The following LRP1B variants were observed in gnomAD, a reference collection of about 807,000 sequenced individuals.
The protein encoded by LRP1B is LDL receptor related protein 1B, also known as low-density lipoprotein receptor-related protein 1B.
LRP1B carries 217 observed loss-of-function variants against 556.6 expected under a neutral mutation model. The ratio of observed to expected loss-of-function variants is 0.39; its 90% CI spans 0.35 to 0.44. The LOEUF (loss-of-function observed/expected upper bound fraction) is 0.44. LRP1B is among the 20% of genes least tolerant of loss of function. LRP1B has a pLI of 1.00. For missense variants in LRP1B, 5,053 were observed against 5,620.8 expected (o/e 0.90, Z 3.23); for synonymous variants, 2,047 against 1,865.8 (o/e 1.10, Z -2.50).
At chr2:140,983,262 G>GA (rs1283831105) in intron 17 of LRP1B, among the ~76,000 whole-genome samples, 1 of 151,824 alleles carries the variant, frequency 6.6e-6, no homozygotes, top group Non-Finnish European at 1.5e-5. Context: ...TTGGACTAGA[G>GA]AAAAAAATGA....
At chr2:141,213,548 A>G (rs1682657251) in intron 6 of LRP1B, among the ~76,000 whole-genome samples, 1 of 152,168 alleles carries the variant, frequency 6.6e-6, no homozygotes, top group East Asian at 1.9e-4. Flanking sequence ...AAGTCCCTGA[A>G]GAAAACCCAC....
At chr2:140,779,403 T>C (rs1689610081) in intron 32 of LRP1B, among the ~76,000 whole-genome samples, 1 of 151,970 alleles carries the variant, frequency 6.6e-6, no homozygotes, top group Non-Finnish European at 1.5e-5. Context: ...ATGAATTAAG[T>C]GTAAGAAGTG....
chr2:141,294,087 GAA>G lies in LRP1B; in HGVS notation c.344-39448_344-39447del, dbSNP rs556017278. 1.6e-3 allele frequency among the ~76,000 whole-genome samples: 243 copies of G among 152,020 alleles called. 1 individual carries two copies. The highest frequency in any genetic ancestry group is 2.7e-3 in the Non-Finnish European group (186 of 67,944). ...TATGTTATATTTAGAAGTATACAGG[GAA>G]AAAAGAGACTAAACAGGTAAAGACC... On this transcript the variant is annotated intron_variant, in intron 3 of 90. Coordinates refer to ENST00000389484, the MANE Select transcript of LRP1B (RefSeq NM_018557.3).
chr2:140,855,493 G>GAA (rs56835236), intron 27 of LRP1B, among the ~76,000 whole-genome samples: 16,356 of 99,882 alleles, frequency 0.16, 1,533 homozygotes, highest in Middle Eastern at 0.2. Flanking sequence ...TCTCTACTGG[G>GAA]AAAAAAAAAA....
chr2:141,861,538 C>CA (rs1261533727), intron 1 of LRP1B, among the ~76,000 whole-genome samples: 12 of 152,142 alleles, frequency 7.9e-5, no homozygotes, highest in African/African-American at 2.9e-4. Context: ...AACATGTAGG[C>CA]ACTCAAAAAT....
intron 66 of LRP1B, among the ~76,000 whole-genome samples, chr2:140,409,953 A>G (rs1684901693): frequency 6.6e-6 from 1 of 152,098 alleles, no homozygotes; most frequent in Admixed American, 6.6e-5. Flanking sequence ...AAAATTGTAT[A>G]CATGTCAAGA....
chr2:140,763,545 A>G (rs1689001465), intron 35 of LRP1B, among the ~76,000 whole-genome samples: 1 of 152,162 alleles, frequency 6.6e-6, no homozygotes, highest in African/African-American at 2.4e-5. Context: ...ATGGAAAATA[A>G]TATAGATCTC....
intron 35 of LRP1B, among the ~76,000 whole-genome samples, chr2:140,751,537 C>T (rs416333): frequency 0.35 from 53,537 of 151,920 alleles, 9,583 homozygotes; most frequent in South Asian, 0.48. Context: ...CATTTCATCC[C>T]TTGATACCTG....
At chr2:140,508,392 C>T (rs1689509413) in intron 52 of LRP1B, among the ~76,000 whole-genome samples, 1 of 152,066 alleles carries the variant, frequency 6.6e-6, no homozygotes. Flanking sequence ...TTTCACATTG[C>T]CTATAGCCCC....
At chr2:141,992,363 A>G (rs1241896732) in intron 1 of LRP1B, among the ~76,000 whole-genome samples, 1 of 152,148 alleles carries the variant, frequency 6.6e-6, no homozygotes, top group Non-Finnish European at 1.5e-5. Context: ...AAGCAATTAT[A>G]TAAGCATCAA....
chr2:141,422,006 T>A (rs958827941), intron 3 of LRP1B, among the ~76,000 whole-genome samples: 3 of 152,192 alleles, frequency 2.0e-5, no homozygotes, highest in African/African-American at 7.2e-5. Flanking sequence ...TGTTTATGAC[T>A]ATATTAAACA....
At chr2:141,461,097 A>G (rs1169671342) in intron 3 of LRP1B, among the ~76,000 whole-genome samples, 1 of 152,076 alleles carries the variant, frequency 6.6e-6, no homozygotes, top group Non-Finnish European at 1.5e-5. Flanking sequence ...AGTAAATGAG[A>G]TCACTAAGCA....
At chr2:142,118,510 G>A (rs1263306242) in intron 1 of LRP1B, among the ~76,000 whole-genome samples, 1 of 152,060 alleles carries the variant, frequency 6.6e-6, no homozygotes, top group Non-Finnish European at 1.5e-5. Flanking sequence ...GACTTTAACT[G>A]TGAGTGTGCA....
In LRP1B at chr2:141,839,343, A is replaced by C. The variant is rs1697389249; in HGVS notation, c.83-28942T>G. Among the ~76,000 whole-genome samples the C allele has an allele frequency of 2.6e-5, 4 of 152,228 alleles. No homozygotes were observed. In the South Asian group the frequency reaches 8.3e-4, roughly 31 times the overall value. On this transcript the variant is annotated intron_variant, in intron 1 of 90. Transcript: ENST00000389484. ...AAGCCAGAATTACAAGTTTCCCAACACATGCATCTTACTTTTCATATGTAT... is the reference window on the plus strand; with the variant it reads ...AAGCCAGAATTACAAGTTTCCCAACCCATGCATCTTACTTTTCATATGTAT...
At chr2:140,816,793 T>G (rs1446347299) in intron 31 of LRP1B, among the ~76,000 whole-genome samples, 1 of 152,114 alleles carries the variant, frequency 6.6e-6, no homozygotes, top group Non-Finnish European at 1.5e-5. Context: ...ATATTCATAA[T>G]ATAGATATAT....
chr2:140,242,684 G>A (rs763755749), intron 87 of LRP1B, among the ~76,000 whole-genome samples: 12 of 151,022 alleles, frequency 7.9e-5, no homozygotes, highest in Non-Finnish European at 1.5e-4. Flanking sequence ...AAGGAGACTA[G>A]TTTGTCTCTG....
chr2:140,415,784 CTT>C (rs5834745), intron 66 of LRP1B, among the ~76,000 whole-genome samples: 26,190 of 152,108 alleles, frequency 0.17, 2,624 homozygotes, highest in East Asian at 0.33. Context: ...TCCTAACTCT[CTT>C]GTCTTTTGCC....
intron 66 of LRP1B, among the ~76,000 whole-genome samples, chr2:140,429,836 T>C (rs1685840063): frequency 6.6e-6 from 1 of 152,144 alleles, no homozygotes; most frequent in South Asian, 2.1e-4. Context: ...TCACAAACTA[T>C]GCTCAACTCA....
chr2:140,562,443 G>T lies in LRP1B; in HGVS notation c.7195-20472C>A, dbSNP rs73961429. Among the ~76,000 whole-genome samples, 718 of 152,162 alleles carry T rather than the reference G, an allele frequency of 4.7e-3. 8 individuals are homozygous for T. Among genetic ancestry groups the T allele is most frequent in the African/African-American group, 0.016 (677 of 41,524 alleles). Reference sequence around the variant, plus strand: ...TACAATGTCTTACTGTGTGAGATTTGATTCACAATTATCTAGAGACTAGAC... The same window carrying T: ...TACAATGTCTTACTGTGTGAGATTTTATTCACAATTATCTAGAGACTAGAC... On this transcript the variant is annotated intron_variant, in intron 43 of 90. Coordinates refer to ENST00000389484, the MANE Select transcript of LRP1B (RefSeq NM_018557.3).
Sources: gnomAD v4.1 joint callset for allele counts (sites outside exome capture counted in the v4.1 genomes callset) on GRCh38, gnomAD v4.1.1 for gene constraint, MANE v1.5 for transcripts, NCBI Gene and HGNC (gene_info 2026-07-23, HGNC 2026-07-21) for gene names.